The following AUTS2 variants were observed in gnomAD, a reference collection of about 807,000 sequenced individuals.
AUTS2 encodes activator of transcription and developmental regulator AUTS2, also known as autism susceptibility gene 2 protein.
In AUTS2, 17 loss-of-function variants were observed where a neutral mutation model predicts 112.4. That is an observed-to-expected ratio of 0.15 (90% CI 0.10 to 0.23). The LOEUF (loss-of-function observed/expected upper bound fraction) is 0.23. Among genes scored for constraint, AUTS2 ranks in the 10% least tolerant of loss-of-function variants. The pLI is 1.00. For missense variants in AUTS2, 1,510 were observed against 1,701.6 expected, an observed-to-expected ratio of 0.89 and a Z score of 1.98; for synonymous variants, 751 against 702.7, an observed-to-expected ratio of 1.07 and a Z score of -1.09.
At chr7:70,522,536 A>G (rs772396838) in intron 5 of AUTS2, among the ~76,000 whole-genome samples, 5 of 152,208 alleles carry the variant, frequency 3.3e-5, no homozygotes, top group Admixed American at 1.3e-4. Flanking sequence ...GCTTCCACTT[A>G]CAAGGGAAAA....
At chr7:69,946,557 TACACACACACAC>T (rs57891742) in intron 2 of AUTS2, among the ~76,000 whole-genome samples, 3,699 of 143,974 alleles carry the variant, frequency 0.026, 55 homozygotes, top group East Asian at 0.062. Context: ...TGTGATGTGA[TACACACACACAC>T]ACACACACAC....
At chr7:69,794,618 T>C (rs1473058603) in intron 1 of AUTS2, among the ~76,000 whole-genome samples, 2 of 152,192 alleles carry the variant, frequency 1.3e-5, no homozygotes, top group Non-Finnish European at 1.5e-5. Flanking sequence ...CTCCTCTTTA[T>C]TAGGCACTAT....
chr7:69,656,864 T>G (rs996149215), intron 1 of AUTS2, among the ~76,000 whole-genome samples: 3 of 152,192 alleles, frequency 2.0e-5, no homozygotes, highest in African/African-American at 7.2e-5. Context: ...AGTTGCTGAT[T>G]CTCCTTTCAT....
intron 2 of AUTS2, among the ~76,000 whole-genome samples, chr7:70,086,894 A>G (rs1803634640): frequency 6.6e-6 from 1 of 151,654 alleles, no homozygotes; most frequent in African/African-American, 2.4e-5. Flanking sequence ...TTGTATATAT[A>G]GTTGATAATG....
At chr7:70,613,619 CAGA>C (rs964282756) in intron 5 of AUTS2, among the ~76,000 whole-genome samples, 2 of 152,110 alleles carry the variant, frequency 1.3e-5, no homozygotes, top group South Asian at 2.1e-4. Context: ...CAGGGATGGA[CAGA>C]AGAAGGAGAG....
At chr7:69,665,561 C>T (rs936145542) in intron 1 of AUTS2, among the ~76,000 whole-genome samples, 3 of 152,178 alleles carry the variant, frequency 2.0e-5, no homozygotes, top group African/African-American at 7.2e-5. Flanking sequence ...ATCCAGATTT[C>T]CAGCTGCAGT....
At chr7:70,011,171 G>A (rs1386324341) in intron 2 of AUTS2, among the ~76,000 whole-genome samples, 1 of 152,176 alleles carries the variant, frequency 6.6e-6, no homozygotes, top group Non-Finnish European at 1.5e-5. Context: ...AGCCACTGAG[G>A]ATGGAAAAGG....
At chr7:70,253,877 C>T (rs1288475873) in intron 4 of AUTS2, among the ~76,000 whole-genome samples, 1 of 151,842 alleles carries the variant, frequency 6.6e-6, no homozygotes, top group Admixed American at 6.6e-5. Flanking sequence ...TTGTGTATAG[C>T]TCTGTTGGGA....
chr7:70,626,391 A>G (rs1376250933), intron 5 of AUTS2, among the ~76,000 whole-genome samples: 1 of 150,176 alleles, frequency 6.7e-6, no homozygotes, highest in Non-Finnish European at 1.5e-5. Flanking sequence ...AAAATTATGT[A>G]AAAACTTTTT....
In AUTS2 at chr7:69,869,341, A is replaced by G. The variant is rs187143941; in HGVS notation, c.310-29945A>G. Reference sequence around the variant, plus strand: ...GTACCTTCATTAGCATCTCCTGCCTATCAGTGCTTGAAATTCCTGGCTCAT... The same window carrying G: ...GTACCTTCATTAGCATCTCCTGCCTGTCAGTGCTTGAAATTCCTGGCTCAT... On this transcript the variant is annotated intron_variant, in intron 1 of 18. Coordinates refer to ENST00000342771, the MANE Select transcript of AUTS2 (RefSeq NM_015570.4). Among the ~76,000 whole-genome samples, 95 of 152,188 alleles carry G rather than the reference A, an allele frequency of 6.2e-4. 2 individuals carry two copies. Among genetic ancestry groups the G allele is most frequent in the Admixed American group, 6.1e-3 (93 of 15,260 alleles).
At chr7:70,550,756 G>T (rs1800985049) in intron 5 of AUTS2, among the ~76,000 whole-genome samples, 2 of 152,148 alleles carry the variant, frequency 1.3e-5, no homozygotes, top group East Asian at 3.9e-4. Context: ...AATCTTTACA[G>T]ATCTGTGCAT....
intron 4 of AUTS2, among the ~76,000 whole-genome samples, chr7:70,389,354 A>C (rs1040619932): frequency 2.6e-5 from 4 of 152,210 alleles, no homozygotes; most frequent in East Asian, 3.9e-4. Context: ...GGGAAAAAAA[A>C]CACGAAGTTT....
At chr7:70,469,543 A>G (rs1026519475) in intron 5 of AUTS2, among the ~76,000 whole-genome samples, 3 of 152,170 alleles carry the variant, frequency 2.0e-5, no homozygotes, top group African/African-American at 4.8e-5. Context: ...CTTGCAGGCT[A>G]TGGGGGATAT....
At chr7:70,305,323 T>C (rs1200139326) in intron 4 of AUTS2, among the ~76,000 whole-genome samples, 1 of 152,162 alleles carries the variant, frequency 6.6e-6, no homozygotes, top group Non-Finnish European at 1.5e-5. Context: ...ACCAGTGATA[T>C]ATGAAGGTAC....
intron 1 of AUTS2, among the ~76,000 whole-genome samples, chr7:69,642,208 G>T (rs1794827239): frequency 6.6e-6 from 1 of 152,144 alleles, no homozygotes; most frequent in Admixed American, 6.6e-5. Flanking sequence ...CCATTTTGGA[G>T]CAATAAGACT....
At chr7:70,052,654 G>A (rs1167989604) in intron 2 of AUTS2, among the ~76,000 whole-genome samples, 1 of 152,224 alleles carries the variant, frequency 6.6e-6, no homozygotes, top group Non-Finnish European at 1.5e-5. Context: ...TGAACTGGGA[G>A]TAGAGGTGAG....
In AUTS2 at chr7:70,791,210, TCA is replaced by T. The variant is rs530909997; in HGVS notation, c.*216_*217del. On this transcript the variant is annotated 3_prime_UTR_variant, in exon 19 of 19. Coordinates refer to ENST00000342771, the MANE Select transcript of AUTS2 (RefSeq NM_015570.4). ...GATCTTTTAGCCCAGTCATATGTTC[TCA>T]CGTCTCCTACTTTTTGTTTCTCGTA... The T allele has an allele frequency of 9.8e-5, 43 of 437,318 alleles. No homozygotes were observed. In the Admixed American group the frequency reaches 1.6e-3, roughly 16 times the overall value. The allele number at this position is 437,318 out of a possible 1,614,324, so 27.1% of individuals were successfully genotyped here.
chr7:70,630,098 G>A (rs1026113620), intron 5 of AUTS2, among the ~76,000 whole-genome samples: 2 of 152,174 alleles, frequency 1.3e-5, no homozygotes, highest in African/African-American at 4.8e-5. Flanking sequence ...TACACATGGG[G>A]TTTGCAGAGG....
intron 1 of AUTS2, among the ~76,000 whole-genome samples, chr7:69,724,536 C>T (rs1353834823): frequency 4.6e-5 from 7 of 152,166 alleles, no homozygotes; most frequent in Non-Finnish European, 1.0e-4. Flanking sequence ...AATGAAAACA[C>T]TGCACTTTTA....
Sources: allele counts gnomAD v4.1 joint callset (sites outside exome capture counted in the v4.1 genomes callset), GRCh38; gene constraint gnomAD v4.1.1; transcripts MANE v1.5; gene names NCBI Gene and HGNC (gene_info 2026-07-23, HGNC 2026-07-21).